The following LDAH variants were observed in gnomAD, a reference collection of about 807,000 sequenced individuals.
LDAH encodes the protein lipid droplet associated hydrolase.
A neutral mutation model predicts 29.6 loss-of-function variants in LDAH; 26 were observed. That is an observed-to-expected ratio of 0.88 (90% confidence interval 0.64 to 1.22). The LOEUF (loss-of-function observed/expected upper bound fraction) is 1.22. Ranked by LOEUF, LDAH falls within the 50% of genes most tolerant of loss-of-function variation. The pLI is 0.00. For synonymous variants in LDAH, 117 were observed against 133.0 expected (o/e 0.88, Z 0.83); for missense variants, 344 against 387.3 (o/e 0.89, Z 0.94).
intron 4 of LDAH, among the ~76,000 whole-genome samples, chr2:20,744,780 A>G (rs1018568258): frequency 6.6e-6 from 1 of 152,186 alleles, no homozygotes; most frequent in African/African-American, 2.4e-5. Context: ...GTGTTTCCCC[A>G]TGAGTGGGTC....
intron 1 of LDAH, among the ~76,000 whole-genome samples, chr2:20,808,217 G>A (rs1486088243): frequency 6.6e-6 from 1 of 152,166 alleles, no homozygotes; most frequent in Non-Finnish European, 1.5e-5. Context: ...AACTGTATTC[G>A]TGAACTGGAA....
intron 5 of LDAH, among the ~76,000 whole-genome samples, chr2:20,739,002 G>A (rs1319324608): frequency 6.6e-6 from 1 of 152,218 alleles, no homozygotes; most frequent in African/African-American, 2.4e-5. Context: ...ACCAGCTATG[G>A]TGAAAGGAAA....
chr2:20,769,288 A>G (rs1669251741), intron 4 of LDAH, among the ~76,000 whole-genome samples: 1 of 152,148 alleles, frequency 6.6e-6, no homozygotes, highest in Non-Finnish European at 1.5e-5. Flanking sequence ...CCTCTCCACA[A>G]AACTTTCTGA....
At chr2:20,703,454 C>G (rs920336765) in intron 5 of LDAH, among the ~76,000 whole-genome samples, 1 of 152,154 alleles carries the variant, frequency 6.6e-6, no homozygotes, top group South Asian at 2.1e-4. Flanking sequence ...CCTACCATTC[C>G]TTCCTGCCAT....
chr2:20,803,926 C>T (rs1338716748), intron 1 of LDAH, among the ~76,000 whole-genome samples: 1 of 152,190 alleles, frequency 6.6e-6, no homozygotes, highest in African/African-American at 2.4e-5. Flanking sequence ...TTGATCCAGA[C>T]TGATATATCT....
In LDAH at chr2:20,685,423, T is replaced by TCTA; in HGVS notation, c.*1477_*1479dup. On this transcript the variant is annotated 3_prime_UTR_variant, in exon 7 of 7. Coordinates refer to ENST00000237822, the MANE Select transcript of LDAH (RefSeq NM_021925.4). ...CAGCCCTGTGCTTACGGCCTATGTA[T>TCTA]CTATTAGCTCTTCCCCTTGGGCTAA... The TCTA allele has an allele frequency of 8.0e-7, 1 of 1,246,930 alleles. No individual in the cohort carries two copies. Among genetic ancestry groups the TCTA allele is most frequent in the Non-Finnish European group, 1.1e-6 (1 of 915,000 alleles). 77.2% of individuals were successfully genotyped at this position (1,246,930 alleles called of 1,614,324 possible). A position where few individuals can be genotyped will look rare whatever the true frequency, so the allele number is the denominator to read the frequency against.
At chr2:20,774,207 T>A (rs1669630874) in intron 4 of LDAH, among the ~76,000 whole-genome samples, 1 of 152,238 alleles carries the variant, frequency 6.6e-6, no homozygotes, top group Admixed American at 6.5e-5. Flanking sequence ...CTTGCTTTCC[T>A]GGGCACTTTA....
chr2:20,706,334 T>C (rs79014846), intron 5 of LDAH, among the ~76,000 whole-genome samples: 2,515 of 152,342 alleles, frequency 0.017, 38 homozygotes, highest in Non-Finnish European at 0.027. Context: ...CCAACCTATG[T>C]TGAAGCTTGG....
At chr2:20,819,706 G>C (rs1193375502) in intron 1 of LDAH, among the ~76,000 whole-genome samples, 1 of 152,112 alleles carries the variant, frequency 6.6e-6, no homozygotes, top group Non-Finnish European at 1.5e-5. Flanking sequence ...ACTGGCACAA[G>C]ACAGGGATGC....
intron 1 of LDAH, among the ~76,000 whole-genome samples, chr2:20,820,136 C>T (rs1398503126): frequency 6.6e-6 from 1 of 152,054 alleles, no homozygotes; most frequent in East Asian, 1.9e-4. Context: ...AATGGAAGAA[C>T]ATTCCATGCT....
intron 4 of LDAH, among the ~76,000 whole-genome samples, chr2:20,761,527 A>G (rs531995949): frequency 4.6e-5 from 7 of 152,186 alleles, no homozygotes; most frequent in Non-Finnish European, 1.0e-4. Flanking sequence ...TTGGCTAATG[A>G]CTTATTTGTT....
chr2:20,685,791 C>G lies in LDAH; in HGVS notation c.*1112G>C, dbSNP rs1662520026. The G allele has an allele frequency of 3.7e-6, 4 of 1,076,120 alleles. No homozygotes were observed. Among genetic ancestry groups the G allele is most frequent in the Non-Finnish European group, 5.2e-6 (4 of 772,656 alleles). The allele number at this position is 1,076,120 out of a possible 1,614,324, so 66.7% of individuals were successfully genotyped here. ...GGCCAGGGAATATGTGTCTTCTCTG[C>G]CATACCTCAATGTGTCTAGAGAAGG... is the stretch of plus-strand genomic sequence containing the variant. On this transcript the variant is annotated 3_prime_UTR_variant, in exon 7 of 7. Transcript: ENST00000237822.
rs568019291 is a variant in LDAH, at chr2:20,695,871, C to T, written c.786+5699G>A. ...TGAATAAAGGAGGCACAGTGAGGTCCGGTAACTTAAGCAGGGTCATGAACA... is the reference window on the plus strand; with the variant it reads ...TGAATAAAGGAGGCACAGTGAGGTCTGGTAACTTAAGCAGGGTCATGAACA... On this transcript the variant is annotated intron_variant, in intron 6 of 6. Coordinates refer to ENST00000237822, the MANE Select transcript of LDAH (RefSeq NM_021925.4). Among the ~76,000 whole-genome samples the T allele has an allele frequency of 2.6e-4, 40 of 152,194 alleles. No homozygotes were observed. The South Asian group carries it at 8.1e-3, about 31-fold the overall frequency.
chr2:20,786,137 A>C (rs1670531207), intron 3 of LDAH, among the ~76,000 whole-genome samples: 1 of 152,100 alleles, frequency 6.6e-6, no homozygotes, highest in Admixed American at 6.6e-5. Context: ...AGGTAAATAG[A>C]CCTTTTATGT....
chr2:20,799,407 C>T (rs557392451), intron 2 of LDAH, among the ~76,000 whole-genome samples: 49 of 151,954 alleles, frequency 3.2e-4, no homozygotes, highest in Admixed American at 5.2e-4. Context: ...TGTGATATTT[C>T]GTTACCTGTA....
intron 4 of LDAH, among the ~76,000 whole-genome samples, chr2:20,757,684 C>T (rs1668425212): frequency 6.6e-6 from 1 of 152,110 alleles, no homozygotes; most frequent in African/African-American, 2.4e-5. Flanking sequence ...AGCATATTGC[C>T]CTCCCTAATG....
chr2:20,735,554 G>C (rs764517056), intron 5 of LDAH, among the ~76,000 whole-genome samples: 3 of 151,358 alleles, frequency 2.0e-5, no homozygotes, highest in Non-Finnish European at 4.4e-5. Context: ...CTGCTTTAAA[G>C]TTATTGTCAG....
chr2:20,817,742 G>A (rs1161145140), intron 1 of LDAH, among the ~76,000 whole-genome samples: 1 of 152,130 alleles, frequency 6.6e-6, no homozygotes, highest in Non-Finnish European at 1.5e-5. Context: ...ATTTATAATA[G>A]TGTAACCCAA....
Position 20,740,246 on chromosome 2 carries a change from A to T in LDAH, c.469-41T>A, listed in dbSNP as rs555409032. On this transcript the variant is annotated intron_variant, in intron 4 of 6. Transcript: ENST00000237822. The stretch of plus-strand genomic sequence containing the variant: ...ATACTTTGATGAGAGGTTTTCTTAA[A>T]GGATAGGTCCATTACTTATTGTCTC... The T allele has an allele frequency of 2.8e-4, 369 of 1,335,792 alleles. 7 individuals are homozygous for T. The South Asian group carries it at 4.2e-3, about 15-fold the overall frequency. 82.7% of individuals were successfully genotyped at this position (1,335,792 alleles called of 1,614,324 possible).
Sources: allele counts gnomAD v4.1 joint callset (sites outside exome capture counted in the v4.1 genomes callset), GRCh38; gene constraint gnomAD v4.1.1; transcripts MANE v1.5; gene names NCBI Gene and HGNC (gene_info 2026-07-23, HGNC 2026-07-21).